MCM10: variants seen among roughly 807,000 people sequenced by gnomAD.
The protein encoded by MCM10 is protein MCM10 homolog.
MCM10 carries 91 observed loss-of-function variants against 109.9 expected under a neutral mutation model. The ratio of observed to expected loss-of-function variants is 0.83; its 90% CI spans 0.70 to 0.99. MCM10 has a LOEUF of 0.99. MCM10 is among the 50% of genes least tolerant of loss of function. The pLI, the probability that MCM10 is intolerant of heterozygous loss-of-function variation, is 0.00. For synonymous variants in MCM10, 380 were observed against 387.2 expected, an observed-to-expected ratio of 0.98 and a Z score of 0.22; for missense variants, 1,077 against 1,061.2, an observed-to-expected ratio of 1.01 and a Z score of -0.21.
chr10:13,161,994 C>T (rs942127009), intron 1 of MCM10, among the ~76,000 whole-genome samples: 1 of 152,196 alleles, frequency 6.6e-6, no homozygotes, highest in Non-Finnish European at 1.5e-5. Context: ...ATTTCCGCTG[C>T]CTTCACAGCG....
chr10:13,173,193 C>T (rs549694082), intron 5 of MCM10, among the ~76,000 whole-genome samples: 2 of 152,210 alleles, frequency 1.3e-5, no homozygotes, highest in Non-Finnish European at 2.9e-5. Context: ...GAGTAAGACC[C>T]TGTCTGAGAA....
chr10:13,200,815 A>G (rs918677912), intron 16 of MCM10, among the ~76,000 whole-genome samples: 5 of 152,256 alleles, frequency 3.3e-5, no homozygotes, highest in African/African-American at 1.2e-4. Flanking sequence ...TGATACTGTC[A>G]TGTTAGGAGT....
chr10:13,163,867 C>G (rs142362347), intron 1 of MCM10, among the ~76,000 whole-genome samples: 1 of 152,094 alleles, frequency 6.6e-6, no homozygotes, highest in Non-Finnish European at 1.5e-5. Context: ...TTATCTCATC[C>G]ACGTAATCTA....
intron 8 of MCM10, 33 bp from the exon 9 acceptor site, chr10:13,186,131 C>A: frequency 8.0e-7 from 1 of 1,252,710 alleles, no homozygotes; most frequent in Non-Finnish European, 1.2e-6. Flanking sequence ...TAATTTTGTC[C>A]GCCTTTAACT....
At position 13,204,772 on chromosome 10, in the gene MCM10, T is replaced by C. The variant is rs1338223882; in HGVS notation, c.2498+408T>C. Among the ~76,000 whole-genome samples, 15 of 152,142 alleles carry C rather than the reference T, an allele frequency of 9.9e-5. 1 individual carries two copies. The highest frequency in any genetic ancestry group is 3.4e-4 in the African/African-American group (14 of 41,460). Reference sequence around the variant, plus strand: ...GCTGTTCTTCAGTATCCAAGGGGCATTGGTCCCAGGACAGCACTCTTCCCC... The same window carrying C: ...GCTGTTCTTCAGTATCCAAGGGGCACTGGTCCCAGGACAGCACTCTTCCCC... On this transcript the variant is annotated intron_variant, in intron 18 of 19. Transcript: ENST00000378714.
In MCM10 at chr10:13,197,630, C is replaced by G. The variant is rs1268360578; in HGVS notation, c.1982C>G (p.Ala661Gly). 1.2e-6 allele frequency: 2 copies of G among 1,612,794 alleles called. No individual in the cohort carries two copies. Among genetic ancestry groups the G allele is most frequent in the Non-Finnish European group, 1.7e-6 (2 of 1,179,672 alleles). Residue 661 changes from alanine (A) to glycine (G), a missense_variant, in exon 15 of 20, where the codon GCT becomes GGT. By Grantham distance (60) the Ala-to-Gly change is moderately conservative (BLOSUM62 0). Transcript: ENST00000378714. ...TCATTCCCTTTTTTCTAGTTAGCTG[C>G]TATCACCAAATTAAGGGCAAAAGGC... The part of the protein sequence containing the change: ...SALAEAKKLA[A>G]ITKLRAKGQV...
At chr10:13,201,216 C>G (rs144162838) in intron 16 of MCM10, among the ~76,000 whole-genome samples, 3 of 152,118 alleles carry the variant, frequency 2.0e-5, no homozygotes, top group African/African-American at 4.8e-5. Context: ...ATTAAGAGCT[C>G]GTTTCTATGC....
intron 10 of MCM10, 77 bp from the exon 11 acceptor site, chr10:13,191,222 A>G: frequency 2.2e-6 from 2 of 929,166 alleles, no homozygotes; most frequent in South Asian, 2.7e-5. Context: ...ATAAATGATG[A>G]TATCTATGCC....
chr10:13,205,002 G>GTATATATA (rs576376587), intron 18 of MCM10, among the ~76,000 whole-genome samples: 1 of 6,662 alleles, frequency 1.5e-4, no homozygotes, highest in Non-Finnish European at 3.3e-4. Flanking sequence ...ATGTATGTAT[G>GTATATATA]TATATATATA....
intron 18 of MCM10, among the ~76,000 whole-genome samples, chr10:13,205,155 T>C (rs72779599): frequency 0.056 from 8,540 of 151,614 alleles, 315 homozygotes; most frequent in Admixed American, 0.087. Context: ...CCTGAAATAA[T>C]GTACATTGTA....
At position 13,195,022 on chromosome 10, in the gene MCM10, G is replaced by A. The variant is rs1223849672; in HGVS notation, c.1746-19G>A. On this transcript the variant is annotated intron_variant, in intron 13 of 19. Coordinates refer to ENST00000378714, the MANE Select transcript of MCM10 (RefSeq NM_018518.5). ...TTCGTAAACCCTGTTTGCGTATTTT[G>A]ACTGTATGTTCTTTAAAGATTTCTG... is the stretch of plus-strand genomic sequence containing the variant. The A allele has an allele frequency of 1.9e-6, 3 of 1,601,976 alleles. No homozygotes were observed. The highest frequency in any genetic ancestry group is 2.2e-5 in the South Asian group (2 of 89,992).
At chr10:13,188,228 A>G (rs935934135) in intron 9 of MCM10, among the ~76,000 whole-genome samples, 2 of 152,220 alleles carry the variant, frequency 1.3e-5, no homozygotes, top group Non-Finnish European at 2.9e-5. Flanking sequence ...TTTCACTGAA[A>G]GGATAGCACT....
chr10:13,208,384 C>T (rs1834611866), intron 18 of MCM10, among the ~76,000 whole-genome samples: 1 of 151,472 alleles, frequency 6.6e-6, no homozygotes, highest in Non-Finnish European at 1.5e-5. Context: ...TGAACCCTGT[C>T]TCTAAAAAAA....
rs190395822 is a variant in MCM10 at position 13,179,771 on chromosome 10, C to T, written c.765-671C>T. ...AATAGTAGAACCTGTGAAATTCTTG[C>T]ATAATCGATGAAATTTAAGTGTCTT... On this transcript the variant is annotated intron_variant, in intron 6 of 19. Transcript: ENST00000378714. Among the ~76,000 whole-genome samples, 107 of 152,194 alleles carry T rather than the reference C, an allele frequency of 7.0e-4. 1 individual carries two copies. The highest frequency in any genetic ancestry group is 5.0e-3 in the Admixed American group (76 of 15,278).
Position 13,180,526 on chromosome 10 carries a change from G to A in MCM10, c.849G>A (p.Met283Ile). The change falls in exon 7 of 20, where the codon ATG becomes ATA. Residue 283 changes from methionine to isoleucine, a missense_variant. By Grantham distance (10) the Met-to-Ile change is conservative. Transcript: ENST00000378714. ...GACTGTCTCAGATCAAGGAAAAGAT[G>A]GCCAGAGAGAAGCTGGAAGAAATAG... ...LIRLSQIKEK[M>I]AREKLEEIDW... is the part of the protein sequence containing the mutation. The A allele has an allele frequency of 6.2e-7, 1 of 1,614,102 alleles. No homozygotes were observed.
rs746874909 is a variant in MCM10, at chr10:13,188,941, C to T, written c.1276C>T (p.Arg426Cys). 57 of 1,614,142 alleles carry T rather than the reference C, an allele frequency of 3.5e-5. No individual in the cohort carries two copies. Among genetic ancestry groups the T allele is most frequent in the South Asian group, 8.8e-5 (8 of 91,094 alleles). The part of the protein sequence containing the change: ...QAQYKKLSAK[R>C]ADLQSTFSGG... Reference sequence around the variant, plus strand: ...TCAGTACAAGAAGCTCAGCGCAAAGCGTGCGGATCTGCAGTCCACCTTCTC... The same window carrying T: ...TCAGTACAAGAAGCTCAGCGCAAAGTGTGCGGATCTGCAGTCCACCTTCTC... The change falls in exon 10 of 20, where the codon CGT becomes TGT. Residue 426 changes from arginine to cysteine, a missense_variant. By Grantham distance (180) the Arg-to-Cys change is radical. Coordinates refer to ENST00000378714, the MANE Select transcript of MCM10 (RefSeq NM_018518.5).
At chr10:13,203,333 G>A (rs1834525304) in intron 17 of MCM10, among the ~76,000 whole-genome samples, 1 of 152,166 alleles carries the variant, frequency 6.6e-6, no homozygotes, top group Admixed American at 6.5e-5. Flanking sequence ...AGCAGGTTGA[G>A]CTCTCACCTT....
In MCM10 at chr10:13,172,440, TAAAC is replaced by T. The variant is rs1190960430; in HGVS notation, c.416_419del (p.Lys139ArgfsTer67). 1 of 1,614,112 alleles carries T rather than the reference TAAAC, an allele frequency of 6.2e-7. No individual in the cohort carries two copies. Among genetic ancestry groups the T allele is most frequent in the Non-Finnish European group, 8.5e-7 (1 of 1,180,028 alleles). ...AAGAGCAGCTAAAAGTAACAACAAT[TAAAC>T]AGACAGCAAGCCCAGCCCGTCTGCA... On this transcript the variant is annotated frameshift_variant, in exon 4 of 20. Transcript: ENST00000378714. LOFTEE classifies it high-confidence loss of function. The surrounding 1 kb of genome is among the most constrained non-coding windows in gnomAD (Gnocchi z 5.2).
intron 18 of MCM10, among the ~76,000 whole-genome samples, chr10:13,205,580 T>C (rs1834569305): frequency 6.6e-6 from 1 of 152,208 alleles, no homozygotes; most frequent in Non-Finnish European, 1.5e-5. Flanking sequence ...GTTTTATTTT[T>C]AGTTCTTTGA....
Sources: allele counts gnomAD v4.1 joint callset (sites outside exome capture counted in the v4.1 genomes callset), GRCh38; gene constraint gnomAD v4.1.1; non-coding constraint Gnocchi (gnomAD v3.1); transcripts MANE v1.5; gene names NCBI Gene and HGNC (gene_info 2026-07-23, HGNC 2026-07-21).